Variants in SGCG observed in about 807,000 individuals in gnomAD.
SGCG encodes the protein gamma-sarcoglycan.
Under a neutral mutation model 29.3 loss-of-function variants are expected in SGCG, and 26 were observed. The observed-to-expected ratio is 0.89, with a 90% CI of 0.65 to 1.23. The LOEUF (loss-of-function observed/expected upper bound fraction) is 1.23. Ranked by LOEUF, SGCG falls within the 50% of genes most tolerant of loss-of-function variation. The pLI is 0.00. For missense variants in SGCG, 353 were observed against 356.0 expected, an observed-to-expected ratio of 0.99 and a Z score of 0.07; for synonymous variants, 145 against 129.7, an observed-to-expected ratio of 1.12 and a Z score of -0.80.
intron 2 of SGCG, among the ~76,000 whole-genome samples, chr13:23,233,629 G>A (rs2137543707): frequency 6.6e-6 from 1 of 152,224 alleles, no homozygotes; most frequent in South Asian, 2.1e-4. Flanking sequence ...CATCACAAAG[G>A]TACTTAATAG....
intron 4 of SGCG, among the ~76,000 whole-genome samples, chr13:23,273,386 C>T (rs943804744): frequency 4.6e-5 from 7 of 151,938 alleles, no homozygotes; most frequent in Non-Finnish European, 5.9e-5. Context: ...GGTTTCACCA[C>T]GTTGGCCAGT....
intron 4 of SGCG, among the ~76,000 whole-genome samples, chr13:23,276,603 T>G (rs1256720041): frequency 2.0e-5 from 3 of 152,102 alleles, no homozygotes; most frequent in African/African-American, 7.2e-5. Context: ...CAGCTAATTT[T>G]TATATTTTCA....
chr13:23,281,149 A>G (rs1184409648), intron 5 of SGCG, among the ~76,000 whole-genome samples: 1 of 152,002 alleles, frequency 6.6e-6, no homozygotes, highest in Non-Finnish European at 1.5e-5. Flanking sequence ...AGCCTGGACA[A>G]CATGGCGAAA....
At chr13:23,302,312 A>G (rs1450806039) in intron 6 of SGCG, among the ~76,000 whole-genome samples, 1 of 151,634 alleles carries the variant, frequency 6.6e-6, no homozygotes, top group Non-Finnish European at 1.5e-5. Flanking sequence ...AATTTTTAAA[A>G]TTTCTTTTGG....
chr13:23,288,039 C>T (rs1230707931), intron 5 of SGCG, among the ~76,000 whole-genome samples: 1 of 152,202 alleles, frequency 6.6e-6, no homozygotes, highest in Non-Finnish European at 1.5e-5. Flanking sequence ...AGGCGTGAGC[C>T]ACTGCGCCCA....
intron 4 of SGCG, chr13:23,267,986 A>G (rs1316190373): frequency 6.6e-6 from 1 of 152,528 alleles, no homozygotes; most frequent in Non-Finnish European, 1.5e-5. Flanking sequence ...AAAGAACAGT[A>G]GCAGAGATAT....
At chr13:23,186,301 G>A (rs1230264185) in intron 1 of SGCG, among the ~76,000 whole-genome samples, 1 of 152,178 alleles carries the variant, frequency 6.6e-6, no homozygotes, top group Non-Finnish European at 1.5e-5. Flanking sequence ...ATGCCTTGCT[G>A]GTCCGCCTGG....
In SGCG at chr13:23,258,617, T is replaced by C. The variant is rs372413262; in HGVS notation, c.385+7900T>C. 5.5e-3 allele frequency among the ~76,000 whole-genome samples: 836 copies of C among 152,318 alleles called. 2 individuals carry two copies. The highest frequency in any genetic ancestry group is 0.012 in the South Asian group (60 of 4,832). On this transcript the variant is annotated intron_variant, in intron 4 of 7. Transcript: ENST00000218867. ...GGAGTGGTGAGAGAGGGCATCCCTG[T>C]CTTTTGCCAGTTTTCAAAGGGAATG...
At chr13:23,164,876 A>C in the SGCG span, among the ~76,000 whole-genome samples, 137 of 152,162 alleles carry the variant, frequency 9.0e-4, 1 homozygote, top group African/African-American at 3.0e-3. Flanking sequence ...TGCCCTCTCC[A>C]GTGACACCCT....
In SGCG at chr13:23,265,576, C is replaced by CA. The variant is rs554933345; in HGVS notation, c.386-13775dup. Among the ~76,000 whole-genome samples, 489 of 150,930 alleles carry CA rather than the reference C, an allele frequency of 3.2e-3. 4 individuals carry two copies. Among genetic ancestry groups the CA allele is most frequent in the Non-Finnish European group, 4.7e-3 (315 of 67,720 alleles). ...CTGGAGACAGAGTGAGACTCCGTCT[C>CA]AAAAAAAATAAATAAATAAAATAAG... On this transcript the variant is annotated intron_variant, in intron 4 of 7. Transcript: ENST00000218867.
chr13:23,283,473 C>G (rs1371670118), intron 5 of SGCG, among the ~76,000 whole-genome samples: 3 of 152,118 alleles, frequency 2.0e-5, no homozygotes, highest in African/African-American at 7.2e-5. Flanking sequence ...TGCTTGGCAG[C>G]TCTTCCTCCA....
the SGCG span, among the ~76,000 whole-genome samples, chr13:23,173,824 A>T: frequency 6.6e-5 from 10 of 152,356 alleles, no homozygotes; most frequent in African/African-American, 2.4e-4. Context: ...AAGGAAATAA[A>T]TTGGGAATAA....
intron 6 of SGCG, among the ~76,000 whole-genome samples, chr13:23,303,583 G>A (rs547661086): frequency 6.6e-6 from 1 of 152,330 alleles, no homozygotes; most frequent in East Asian, 1.9e-4. Context: ...CACAGGATCA[G>A]AGAAGAGGGC....
intron 4 of SGCG, among the ~76,000 whole-genome samples, chr13:23,272,454 T>G: frequency 6.6e-6 from 1 of 152,238 alleles, no homozygotes; most frequent in East Asian, 1.9e-4. Flanking sequence ...TGTTAATCAT[T>G]CCTCACTTAA....
intron 6 of SGCG, among the ~76,000 whole-genome samples, chr13:23,308,320 T>C (rs1332434177): frequency 6.6e-6 from 1 of 152,224 alleles, no homozygotes; most frequent in Non-Finnish European, 1.5e-5. Flanking sequence ...TTTCTTTTGC[T>C]TTCTGAGTGG....
At chr13:23,319,162 G>A (rs1289498778) in intron 6 of SGCG, among the ~76,000 whole-genome samples, 1 of 152,144 alleles carries the variant, frequency 6.6e-6, no homozygotes, top group East Asian at 1.9e-4. Flanking sequence ...GCTGGACACG[G>A]TGGCGGGTGC....
At chr13:23,221,645 T>C (rs901533716) in intron 2 of SGCG, among the ~76,000 whole-genome samples, 11 of 152,300 alleles carry the variant, frequency 7.2e-5, no homozygotes, top group Non-Finnish European at 1.5e-4. Context: ...CACAATGTGG[T>C]GAGGCTTATA....
chr13:23,320,687 A>G lies in SGCG; in HGVS notation c.629A>G (p.His210Arg), dbSNP rs1045567625. ...AGCATGGATGCCCCAAGGGGTGTGCATATTCAAGCTCACGCTGGGAAAATT... is the reference window on the plus strand; with the variant it reads ...AGCATGGATGCCCCAAGGGGTGTGCGTATTCAAGCTCACGCTGGGAAAATT... ...SLSMDAPRGV[H>R]IQAHAGKIEA... is the part of the protein sequence containing the mutation. Residue 210 changes from histidine to arginine, a missense_variant, in exon 7 of 8, where the codon CAT becomes CGT. Coordinates refer to ENST00000218867, the MANE Select transcript of SGCG (RefSeq NM_000231.3). The G allele has an allele frequency of 6.8e-6, 11 of 1,608,806 alleles. No homozygotes were observed. The Admixed American group carries it at 8.4e-5, about 12-fold the overall frequency.
At chr13:23,174,212 C>T in the SGCG span, among the ~76,000 whole-genome samples, 1 of 152,134 alleles carries the variant, frequency 6.6e-6, no homozygotes, top group Non-Finnish European at 1.5e-5. Context: ...AACACTGACA[C>T]CTACTCAAGG....
Sources: allele counts gnomAD v4.1 joint callset (sites outside exome capture counted in the v4.1 genomes callset), GRCh38; gene constraint gnomAD v4.1.1; transcripts MANE v1.5; gene names NCBI Gene and HGNC (gene_info 2026-07-23, HGNC 2026-07-21).